PKP4: variants seen among roughly 807,000 people sequenced by gnomAD.
PKP4 encodes plakophilin 4.
Under a neutral mutation model 145.1 loss-of-function variants are expected in PKP4, and 90 were observed. The ratio of observed to expected loss-of-function variants is 0.62; its 90% CI spans 0.52 to 0.74. The LOEUF (loss-of-function observed/expected upper bound fraction) is 0.74. PKP4 is among the 30% of genes least tolerant of loss of function. The pLI is 0.00. For missense variants in PKP4, 1,340 were observed against 1,482.7 expected, an observed-to-expected ratio of 0.90 and a Z score of 1.58; for synonymous variants, 563 against 577.2, an observed-to-expected ratio of 0.98 and a Z score of 0.35.
At position 158,547,789 on chromosome 2, in the gene PKP4, T is replaced by C. The variant is rs553431884; in HGVS notation, c.132+14473T>C. On this transcript the variant is annotated intron_variant, in intron 2 of 21. Coordinates refer to ENST00000389759, the MANE Select transcript of PKP4 (RefSeq NM_003628.6). ...CACAGACTCTTGGATAGACACTGTT[T>C]TACAAAACTCCAGTATGCAGCTTAA... Among the ~76,000 whole-genome samples the C allele has an allele frequency of 1.9e-3, 293 of 152,166 alleles. 1 individual carries two copies. The highest frequency in any genetic ancestry group is 1.8e-3 in the Admixed American group (27 of 15,242).
Position 158,515,814 on chromosome 2 carries a change from G to A in PKP4, c.-5-17366G>A, listed in dbSNP as rs555020600. On this transcript the variant is annotated intron_variant, in intron 1 of 21. Transcript: ENST00000389759. ...TAATCCTAACACTTTGAGAGTCTGA[G>A]GTGGGAAGATTGCTTGAGGCCAGGA... 5.3e-5 allele frequency among the ~76,000 whole-genome samples: 8 copies of A among 152,316 alleles called. No homozygotes were observed. The South Asian group carries it at 8.3e-4, about 16-fold the overall frequency.
chr2:158,668,219 A>T (rs1034214615), intron 16 of PKP4, among the ~76,000 whole-genome samples: 9 of 144,134 alleles, frequency 6.2e-5, no homozygotes, highest in South Asian at 2.2e-4. Context: ...CTGTTCCATC[A>T]GTCTGTTTTT....
chr2:158,640,574 T>C, intron 9 of PKP4, 53 bp from the exon 10 acceptor site: 1 of 1,584,614 alleles, frequency 6.3e-7, no homozygotes, highest in African/African-American at 1.4e-5. Flanking sequence ...TTTTTTTCAG[T>C]GTATTTTTAC....
At chr2:158,532,360 A>C (rs2043640819) in intron 1 of PKP4, among the ~76,000 whole-genome samples, 1 of 152,224 alleles carries the variant, frequency 6.6e-6, no homozygotes, top group Non-Finnish European at 1.5e-5. Context: ...TCCTTCATTC[A>C]TGTATTCATT....
chr2:158,623,931 TTTA>T (rs1440651337), intron 6 of PKP4, among the ~76,000 whole-genome samples: 1 of 152,174 alleles, frequency 6.6e-6, no homozygotes, highest in Admixed American at 6.6e-5. Context: ...ACCATTCCTT[TTTA>T]TTGTTGCACA....
intron 1 of PKP4, among the ~76,000 whole-genome samples, chr2:158,509,109 G>C (rs1247264757): frequency 6.6e-6 from 1 of 151,410 alleles, no homozygotes; most frequent in African/African-American, 2.4e-5. Context: ...ACACAAAAAT[G>C]CATCTTGGGA....
chr2:158,566,265 C>T (rs2046978253), intron 2 of PKP4, among the ~76,000 whole-genome samples: 1 of 151,972 alleles, frequency 6.6e-6, no homozygotes, highest in Admixed American at 6.6e-5. Flanking sequence ...TTTATTTAGC[C>T]TTGTTGTTTC....
chr2:158,620,904 A>G lies in PKP4; in HGVS notation c.281-86A>G, dbSNP rs553333250. ...CTTGTATTAGCATATAGATTCTAAGATGCTGTTGACAAACATCTGAACCTT... is the reference window on the plus strand; with the variant it reads ...CTTGTATTAGCATATAGATTCTAAGGTGCTGTTGACAAACATCTGAACCTT... On this transcript the variant is annotated intron_variant, in intron 4 of 21. Coordinates refer to ENST00000389759, the MANE Select transcript of PKP4 (RefSeq NM_003628.6). The G allele has an allele frequency of 2.4e-5, 27 of 1,121,966 alleles. No individual in the cohort carries two copies. The African/African-American group carries it at 3.5e-4, about 15-fold the overall frequency. 69.5% of individuals were successfully genotyped at this position (1,121,966 alleles called of 1,614,324 possible).
intron 1 of PKP4, among the ~76,000 whole-genome samples, chr2:158,502,176 A>G (rs903703252): frequency 6.6e-6 from 1 of 152,088 alleles, no homozygotes; most frequent in Non-Finnish European, 1.5e-5. Flanking sequence ...TTTTTTCATG[A>G]TCATGAAATC....
intron 1 of PKP4, among the ~76,000 whole-genome samples, chr2:158,473,215 G>T (rs1691878289): frequency 6.6e-6 from 1 of 152,208 alleles, no homozygotes; most frequent in African/African-American, 2.4e-5. Context: ...TGGTGAGAGT[G>T]TATGTTAGTT....
chr2:158,587,220 T>G (rs1414506498), intron 3 of PKP4, among the ~76,000 whole-genome samples: 3 of 152,176 alleles, frequency 2.0e-5, no homozygotes, highest in Non-Finnish European at 4.4e-5. Flanking sequence ...TGTATTAATT[T>G]TTCTAATACT....
intron 1 of PKP4, among the ~76,000 whole-genome samples, chr2:158,486,092 TTA>T (rs1046367713): frequency 1.3e-5 from 2 of 152,174 alleles, no homozygotes; most frequent in African/African-American, 4.8e-5. Context: ...AAATTGGAAT[TTA>T]TAACATTAAA....
chr2:158,562,819 C>G (rs558408923), intron 2 of PKP4, among the ~76,000 whole-genome samples: 22 of 152,052 alleles, frequency 1.4e-4, no homozygotes, highest in Non-Finnish European at 2.9e-4. Flanking sequence ...TAACATGATT[C>G]AAAATTTAAA....
intron 1 of PKP4, among the ~76,000 whole-genome samples, chr2:158,520,228 C>T (rs1173115261): frequency 1.3e-5 from 2 of 152,122 alleles, no homozygotes; most frequent in Non-Finnish European, 2.9e-5. Flanking sequence ...TGTGAGCAGC[C>T]CAGGGTGCCA....
intron 1 of PKP4, among the ~76,000 whole-genome samples, chr2:158,511,221 A>G (rs1050255324): frequency 5.9e-5 from 9 of 152,132 alleles, no homozygotes; most frequent in Admixed American, 2.6e-4. Context: ...CCCCATATCT[A>G]CTAAAACTAC....
At chr2:158,651,970 A>G (rs2055408523) in intron 11 of PKP4, among the ~76,000 whole-genome samples, 1 of 152,146 alleles carries the variant, frequency 6.6e-6, no homozygotes, top group Non-Finnish European at 1.5e-5. Context: ...CCCTGAGAAC[A>G]GATGGCTCCC....
chr2:158,553,365 T>G (rs2045799749), intron 2 of PKP4, among the ~76,000 whole-genome samples: 1 of 152,178 alleles, frequency 6.6e-6, no homozygotes, highest in African/African-American at 2.4e-5. Context: ...GGAGTGGAGA[T>G]GAAATTTTCC....
chr2:158,584,104 C>T (rs2048583483), intron 3 of PKP4, among the ~76,000 whole-genome samples: 3 of 152,190 alleles, frequency 2.0e-5, no homozygotes, highest in African/African-American at 7.2e-5. Flanking sequence ...TCCAAGTGGC[C>T]TGCTGGCGGG....
intron 2 of PKP4, among the ~76,000 whole-genome samples, chr2:158,547,290 G>A (rs2045154712): frequency 6.6e-6 from 1 of 152,080 alleles, no homozygotes; most frequent in South Asian, 2.1e-4. Flanking sequence ...ATCTGTCACT[G>A]GGTGAATTAA....
Sources: gnomAD v4.1 joint callset for allele counts (sites outside exome capture counted in the v4.1 genomes callset) on GRCh38, gnomAD v4.1.1 for gene constraint, MANE v1.5 for transcripts, NCBI Gene and HGNC (gene_info 2026-07-23, HGNC 2026-07-21) for gene names.